PCDHA9: variants seen among roughly 807,000 people sequenced by gnomAD.
PCDHA9 encodes the protein protocadherin alpha-9.
PCDHA9 carries 62 observed loss-of-function variants against 62.0 expected under a neutral mutation model. The observed-to-expected ratio is 1.00, with a 90% CI of 0.81 to 1.23. The LOEUF is 1.23. Among genes scored for constraint, PCDHA9 ranks in the 50% most tolerant of loss-of-function variants. The pLI, the probability that PCDHA9 is intolerant of heterozygous loss-of-function variation, is 0.00. For missense variants in PCDHA9, 1,205 were observed against 1,249.8 expected (o/e 0.96, Z 0.54); for synonymous variants, 557 against 567.6 (o/e 0.98, Z 0.27).
chr5:140,851,363 A>C lies in PCDHA9; in HGVS notation c.2394+474A>C. 5 of 979,054 alleles carry C rather than the reference A, an allele frequency of 5.1e-6. 1 individual carries two copies. Among genetic ancestry groups the C allele is most frequent in the Non-Finnish European group, 6.2e-6 (5 of 807,194 alleles). 60.6% of individuals were successfully genotyped at this position (979,054 alleles called of 1,614,324 possible). On this transcript the variant is annotated intron_variant, in intron 1 of 3. Coordinates refer to ENST00000532602, the MANE Select transcript of PCDHA9 (RefSeq NM_031857.2). ...ATTTCTCTGGATGGAGACTGTGAAC[A>C]TCTGATTGTTCAGCAACCTTCAGTA...
intron 3 of PCDHA9, among the ~76,000 whole-genome samples, chr5:140,999,340 C>T (rs903484891): frequency 2.6e-5 from 4 of 152,146 alleles, no homozygotes; most frequent in African/African-American, 4.8e-5. Flanking sequence ...ATTTATAAGC[C>T]TTGTCTCTTT....
chr5:140,966,691 G>A, intron 1 of PCDHA9: 3 of 1,349,440 alleles, frequency 2.2e-6, no homozygotes, highest in Non-Finnish European at 1.9e-6. Context: ...GCGGAGGCGG[G>A]GCCCGGGCGT....
chr5:140,961,549 T>C (rs782360372), intron 1 of PCDHA9, among the ~76,000 whole-genome samples: 3 of 152,220 alleles, frequency 2.0e-5, no homozygotes, highest in Non-Finnish European at 4.4e-5. Flanking sequence ...CTGCAGCATT[T>C]CTTTTTTTAA....
At chr5:140,932,375 G>A (rs192897336) in intron 1 of PCDHA9, among the ~76,000 whole-genome samples, 31 of 151,942 alleles carry the variant, frequency 2.0e-4, no homozygotes, top group Non-Finnish European at 3.0e-5. Context: ...ATTTCCACAT[G>A]AAAGTTATAC....
intron 1 of PCDHA9, among the ~76,000 whole-genome samples, chr5:140,896,002 G>A (rs1485647299): frequency 1.3e-5 from 2 of 152,082 alleles, no homozygotes; most frequent in Non-Finnish European, 2.9e-5. Flanking sequence ...GTAGAGACAG[G>A]GTTTCTCCAT....
At chr5:140,967,823 G>A in intron 1 of PCDHA9, 2 of 1,614,162 alleles carry the variant, frequency 1.2e-6, no homozygotes, top group Non-Finnish European at 8.5e-7. Context: ...CAAGGTGCTG[G>A]TGGACATCGT....
At chr5:140,871,305 G>T in intron 1 of PCDHA9, 14 of 1,613,992 alleles carry the variant, frequency 8.7e-6, no homozygotes, top group Non-Finnish European at 1.1e-5. Context: ...GCGCGCCGGG[G>T]AAGCCCACGC....
In PCDHA9 at chr5:140,850,319, A is replaced by G; in HGVS notation, c.1824A>G (p.Ser608=). The G allele has an allele frequency of 2.5e-6, 4 of 1,597,562 alleles. 1 individual carries two copies. The highest frequency in any genetic ancestry group is 1.1e-5 in the South Asian group (1 of 90,528). The part of the protein sequence containing the change: ...DADSGYNAWL[S]YELQPETASA... Reference sequence around the variant, plus strand: ...ACTCGGGCTACAACGCGTGGCTTTCATACGAGCTGCAGCCAGAAACGGCCA... The same window carrying G: ...ACTCGGGCTACAACGCGTGGCTTTCGTACGAGCTGCAGCCAGAAACGGCCA... Residue 608 remains serine (S), a synonymous_variant, in exon 1 of 4, where the codon TCA becomes TCG. Coordinates refer to ENST00000532602, the MANE Select transcript of PCDHA9 (RefSeq NM_031857.2).
intron 1 of PCDHA9, among the ~76,000 whole-genome samples, chr5:140,910,954 G>A (rs183183329): frequency 3.4e-4 from 51 of 152,174 alleles, no homozygotes; most frequent in Admixed American, 7.2e-4. Flanking sequence ...CTTTTCGAGT[G>A]TAGCACACCT....
At chr5:140,904,725 C>A (rs1554191671) in intron 1 of PCDHA9, among the ~76,000 whole-genome samples, 1 of 152,050 alleles carries the variant, frequency 6.6e-6, no homozygotes, top group Non-Finnish European at 1.5e-5. Context: ...TGGCCAACAT[C>A]TATTATTTTT....
chr5:140,971,451 T>C (rs1442240847), intron 1 of PCDHA9, among the ~76,000 whole-genome samples: 2 of 152,110 alleles, frequency 1.3e-5, no homozygotes, highest in East Asian at 1.9e-4. Flanking sequence ...GCTCCAGAAA[T>C]TTTTGCAGTT....
chr5:140,900,127 T>A (rs528737566), intron 1 of PCDHA9, among the ~76,000 whole-genome samples: 2 of 152,328 alleles, frequency 1.3e-5, no homozygotes, highest in East Asian at 3.9e-4. Flanking sequence ...GATTTTTAGG[T>A]ACCACAAATA....
chr5:140,869,106 G>A (rs1300691956), intron 1 of PCDHA9: 1 of 1,602,672 alleles, frequency 6.2e-7, no homozygotes, highest in Non-Finnish European at 8.5e-7. Flanking sequence ...CGTATGCGAT[G>A]TTTGGTTTTC....
chr5:141,006,689 G>A (rs1249412460), intron 3 of PCDHA9, among the ~76,000 whole-genome samples: 2 of 152,072 alleles, frequency 1.3e-5, no homozygotes, highest in Non-Finnish European at 2.9e-5. Context: ...TGGGAGAAGA[G>A]GACAGAGTCA....
intron 1 of PCDHA9, 78 bp from the exon 2 acceptor site, chr5:140,978,871 T>G: frequency 6.2e-7 from 1 of 1,606,510 alleles, no homozygotes; most frequent in Non-Finnish European, 8.5e-7. Context: ...TTTAAGGGAG[T>G]AACTAATCAA....
intron 1 of PCDHA9, chr5:140,881,332 C>G (rs923599590): frequency 1.0e-6 from 1 of 984,540 alleles, no homozygotes; most frequent in East Asian, 1.1e-4. Context: ...TTAACCAGGA[C>G]GCCGATTCGG....
At position 140,971,319 on chromosome 5, in the gene PCDHA9, A is replaced by C. The variant is rs568701560; in HGVS notation, c.2395-7630A>C. ...TGGTACACAAACATTTAATCTAGGG[A>C]GAAAATTATTTCAGAAAGTGCTTGC... is the stretch of plus-strand genomic sequence containing the variant. On this transcript the variant is annotated intron_variant, in intron 1 of 3. Transcript: ENST00000532602. Among the ~76,000 whole-genome samples the C allele has an allele frequency of 2.1e-4, 32 of 152,346 alleles. 1 individual carries two copies. Among genetic ancestry groups the C allele is most frequent in the Admixed American group, 2.0e-3 (31 of 15,306 alleles).
intron 1 of PCDHA9, among the ~76,000 whole-genome samples, chr5:140,948,690 T>C (rs1241278993): frequency 6.6e-6 from 1 of 151,592 alleles, no homozygotes; most frequent in Non-Finnish European, 1.5e-5. Context: ...TTTTTGATAT[T>C]GGTGATTTGT....
chr5:140,970,227 A>T (rs186622858), intron 1 of PCDHA9, among the ~76,000 whole-genome samples: 190 of 152,300 alleles, frequency 1.2e-3, no homozygotes, highest in African/African-American at 4.2e-3. Flanking sequence ...GCAGCCTGTA[A>T]TCTTCTGATT....
Sources: allele counts gnomAD v4.1 joint callset (sites outside exome capture counted in the v4.1 genomes callset), GRCh38; gene constraint gnomAD v4.1.1; transcripts MANE v1.5; gene names NCBI Gene and HGNC (gene_info 2026-07-23, HGNC 2026-07-21).